Variants in SLC6A11 observed in about 807,000 individuals in gnomAD.
The protein encoded by SLC6A11 is solute carrier family 6 member 11.
Under a neutral mutation model 74.8 loss-of-function variants are expected in SLC6A11, and 25 were observed. That is an observed-to-expected ratio of 0.33 (90% CI 0.24 to 0.47). The LOEUF is 0.47. SLC6A11 is among the 20% of genes least tolerant of loss of function. The pLI is 1.00. For missense variants in SLC6A11, 574 were observed against 837.0 expected (o/e 0.69, Z 3.88); for synonymous variants, 330 against 330.2 (o/e 1.00, Z 0.01).
chr3:10,860,628 A>G (rs538733581), intron 5 of SLC6A11, among the ~76,000 whole-genome samples: 1 of 152,362 alleles, frequency 6.6e-6, no homozygotes, highest in South Asian at 2.1e-4. Flanking sequence ...GGGCATGCCC[A>G]TTGGAACTGG....
Position 10,933,144 on chromosome 3 carries a change from C to T in SLC6A11, c.1372-7C>T. The T allele has an allele frequency of 1.9e-6, 3 of 1,609,158 alleles. No homozygotes were observed. Among genetic ancestry groups the T allele is most frequent in the Non-Finnish European group, 2.6e-6 (3 of 1,175,488 alleles). On this transcript the variant is annotated splice_region_variant and splice_polypyrimidine_tract_variant and intron_variant, in intron 10 of 13. Transcript: ENST00000254488. ...TCCCATCCGTGTGTCTGTTCCCCGA[C>T]CTGCAGGGTGGCATGTACATCTTCC... is the stretch of plus-strand genomic sequence containing the variant.
intron 5 of SLC6A11, among the ~76,000 whole-genome samples, chr3:10,860,912 A>T (rs1694695525): frequency 2.0e-5 from 3 of 152,378 alleles, no homozygotes; most frequent in African/African-American, 4.8e-5. Flanking sequence ...AGACATATAC[A>T]TAAGAGGTTG....
intron 5 of SLC6A11, among the ~76,000 whole-genome samples, chr3:10,863,345 A>T (rs1407887729): frequency 6.6e-6 from 1 of 152,198 alleles, no homozygotes; most frequent in Non-Finnish European, 1.5e-5. Flanking sequence ...CCTTACATCT[A>T]CCAAGAGAGG....
chr3:10,841,831 A>G (rs978856187), intron 4 of SLC6A11, among the ~76,000 whole-genome samples: 1 of 152,080 alleles, frequency 6.6e-6, no homozygotes, highest in African/African-American at 2.4e-5. Flanking sequence ...GTGTGTGTGT[A>G]TGTGCATGTG....
intron 4 of SLC6A11, among the ~76,000 whole-genome samples, chr3:10,827,804 G>A (rs1694234930): frequency 6.6e-6 from 1 of 152,110 alleles, no homozygotes; most frequent in East Asian, 1.9e-4. Context: ...CCTGCATCTG[G>A]CCATGGCTTT....
intron 3 of SLC6A11, 74 bp from the exon 4 acceptor site, chr3:10,823,228 C>A: frequency 8.9e-7 from 1 of 1,118,462 alleles, no homozygotes; most frequent in Non-Finnish European, 1.4e-6. Context: ...TGCGCATCAG[C>A]TCTGAATGTT....
At chr3:10,839,861 G>A (rs1035150970) in intron 4 of SLC6A11, among the ~76,000 whole-genome samples, 2 of 152,086 alleles carry the variant, frequency 1.3e-5, no homozygotes, top group Non-Finnish European at 2.9e-5. Flanking sequence ...CCCATCCAAG[G>A]ATCCATGCCG....
chr3:10,934,763 G>A (rs1329084707), intron 12 of SLC6A11, among the ~76,000 whole-genome samples: 1 of 152,200 alleles, frequency 6.6e-6, no homozygotes, highest in African/African-American at 2.4e-5. Flanking sequence ...GCTCCTGGGG[G>A]TGGGGAGAGG....
At chr3:10,838,684 G>A (rs1694398579) in intron 4 of SLC6A11, among the ~76,000 whole-genome samples, 1 of 152,178 alleles carries the variant, frequency 6.6e-6, no homozygotes, top group African/African-American at 2.4e-5. Context: ...AGGAGGTGGA[G>A]GTTGCAGCGA....
At chr3:10,832,103 G>A (rs1335818255) in intron 4 of SLC6A11, among the ~76,000 whole-genome samples, 7 of 152,072 alleles carry the variant, frequency 4.6e-5, no homozygotes, top group Admixed American at 3.9e-4. Context: ...CTGTAATGTA[G>A]GCAGAAGAAA....
intron 6 of SLC6A11, among the ~76,000 whole-genome samples, chr3:10,902,421 A>G (rs1362801226): frequency 6.6e-6 from 1 of 152,190 alleles, no homozygotes; most frequent in Non-Finnish European, 1.5e-5. Flanking sequence ...AGTTCACCTG[A>G]TGGGAAGGGA....
At position 10,912,172 on chromosome 3, in the gene SLC6A11, A is replaced by G. The variant is rs892637680; in HGVS notation, c.974A>G (p.Asn325Ser). The G allele has an allele frequency of 1.1e-5, 18 of 1,611,090 alleles. No individual in the cohort carries two copies. Among genetic ancestry groups the G allele is most frequent in the Non-Finnish European group, 1.4e-5 (17 of 1,177,370 alleles). ...CTGACCGCTCTGGGAAGTTATAACAATTATAACAACAACTGCTACAGGTGA... is the reference window on the plus strand; with the variant it reads ...CTGACCGCTCTGGGAAGTTATAACAGTTATAACAACAACTGCTACAGGTGA... ...GCLTALGSYNNYNNNCYRDCI... is the reference protein window; with the variant it reads ...GCLTALGSYNSYNNNCYRDCI... Residue 325 changes from asparagine to serine, a missense_variant, in exon 7 of 14, where the codon AAT becomes AGT. Transcript: ENST00000254488.
chr3:10,893,160 A>T (rs1695127237), intron 6 of SLC6A11, among the ~76,000 whole-genome samples: 2 of 152,336 alleles, frequency 1.3e-5, no homozygotes, highest in South Asian at 4.1e-4. Flanking sequence ...TTGGAGCTTT[A>T]AAGAAAATAT....
intron 4 of SLC6A11, among the ~76,000 whole-genome samples, chr3:10,834,492 C>T (rs1694341023): frequency 2.0e-5 from 3 of 152,074 alleles, no homozygotes; most frequent in African/African-American, 7.2e-5. Flanking sequence ...TGGGTCCTTC[C>T]TGGGTTTCAG....
At chr3:10,828,048 T>TAA (rs1391066616) in intron 4 of SLC6A11, among the ~76,000 whole-genome samples, 49 of 152,308 alleles carry the variant, frequency 3.2e-4, no homozygotes, top group African/African-American at 1.1e-3. Context: ...GCATCTGGCA[T>TAA]CCGTGCATTT....
chr3:10,875,708 C>A (rs1292455406), intron 6 of SLC6A11, among the ~76,000 whole-genome samples: 6 of 152,072 alleles, frequency 3.9e-5, no homozygotes, highest in Non-Finnish European at 8.8e-5. Context: ...ATTGGTTGTT[C>A]TGAATGGTGG....
chr3:10,843,501 A>G (rs548785132), intron 4 of SLC6A11, among the ~76,000 whole-genome samples: 31 of 152,196 alleles, frequency 2.0e-4, no homozygotes, highest in African/African-American at 7.0e-4. Context: ...ATCTTTCACA[A>G]TTTGACTCAC....
Position 10,926,248 on chromosome 3 carries a change from G to GAGA in SLC6A11, c.1233+132_1233+133insAGA. On this transcript the variant is annotated intron_variant, in intron 9 of 13. Coordinates refer to ENST00000254488, the MANE Select transcript of SLC6A11 (RefSeq NM_014229.3). The surrounding 1 kb of genome is among the most constrained non-coding windows in gnomAD (Gnocchi z 5.7). ...CCCTGGCATCAGGGCCCTGCCCACC[G>GAGA]TCCCCCATTCCACCCTCCACTTCCC... 1 of 623,850 alleles carries GAGA rather than the reference G, an allele frequency of 1.6e-6. No individual in the cohort carries two copies. Among genetic ancestry groups the GAGA allele is most frequent in the Non-Finnish European group, 2.8e-6 (1 of 352,020 alleles). 38.6% of individuals were successfully genotyped at this position (623,850 alleles called of 1,614,324 possible).
chr3:10,822,832 G>A (rs762570678), intron 3 of SLC6A11, among the ~76,000 whole-genome samples: 4 of 152,116 alleles, frequency 2.6e-5, no homozygotes, highest in South Asian at 2.1e-4. Context: ...CAATCATCAC[G>A]TCTTGATGAG....
Sources: gnomAD v4.1 joint callset for allele counts (sites outside exome capture counted in the v4.1 genomes callset) on GRCh38, gnomAD v4.1.1 for gene constraint, Gnocchi (gnomAD v3.1) non-coding constraint, MANE v1.5 for transcripts, NCBI Gene and HGNC (gene_info 2026-07-23, HGNC 2026-07-21) for gene names.